Variants in MYO5A observed in about 807,000 individuals in gnomAD.
MYO5A encodes unconventional myosin-Va.
MYO5A carries 98 observed loss-of-function variants against 249.7 expected under a neutral mutation model. The ratio of observed to expected loss-of-function variants is 0.39; its 90% CI spans 0.33 to 0.46. The LOEUF is 0.46. MYO5A is among the 20% of genes least tolerant of loss of function. The pLI is 0.98. For synonymous variants in MYO5A, 778 were observed against 810.6 expected (o/e 0.96, Z 0.68); for missense variants, 1,696 against 2,308.8 (o/e 0.73, Z 5.44).
intron 34 of MYO5A, among the ~76,000 whole-genome samples, chr15:52,334,926 T>C (rs1482814522): frequency 1.3e-5 from 2 of 152,146 alleles, no homozygotes; most frequent in African/African-American, 4.8e-5. Flanking sequence ...GGATGTGACA[T>C]ATGACTCTGG....
chr15:52,491,468 A>G (rs1210840639), intron 1 of MYO5A, among the ~76,000 whole-genome samples: 1 of 152,172 alleles, frequency 6.6e-6, no homozygotes, highest in Non-Finnish European at 1.5e-5. Context: ...ATCTAGTCAC[A>G]ATGACACTGT....
At chr15:52,456,657 T>C (rs1466192704) in intron 1 of MYO5A, among the ~76,000 whole-genome samples, 1 of 152,022 alleles carries the variant, frequency 6.6e-6, no homozygotes, top group Non-Finnish European at 1.5e-5. Context: ...AGAATACAGA[T>C]ATAAATGTAT....
intron 1 of MYO5A, among the ~76,000 whole-genome samples, chr15:52,444,274 T>G (rs865835720): frequency 2.0e-5 from 3 of 152,160 alleles, no homozygotes; most frequent in African/African-American, 7.2e-5. Flanking sequence ...AAATTAGTAT[T>G]TCCATCTATA....
chr15:52,521,655 A>G (rs1285337817), intron 1 of MYO5A, among the ~76,000 whole-genome samples: 1 of 152,228 alleles, frequency 6.6e-6, no homozygotes, highest in Non-Finnish European at 1.5e-5. Flanking sequence ...AAAAATAATT[A>G]CATCATCCCT....
chr15:52,370,723 TA>T (rs1231518507), intron 21 of MYO5A, among the ~76,000 whole-genome samples: 1 of 152,194 alleles, frequency 6.6e-6, no homozygotes, highest in Non-Finnish European at 1.5e-5. Flanking sequence ...AATTCAGAAA[TA>T]GGAGGATCTA....
intron 23 of MYO5A, 29 bp from the exon 24 acceptor site, chr15:52,364,731 A>G (rs1881441563): frequency 6.2e-7 from 1 of 1,611,360 alleles, no homozygotes; most frequent in Non-Finnish European, 8.5e-7. Flanking sequence ...TATGCATACT[A>G]AAGATGGCCC....
chr15:52,448,274 T>C (rs896826064), intron 1 of MYO5A, among the ~76,000 whole-genome samples: 4 of 152,224 alleles, frequency 2.6e-5, no homozygotes, highest in Admixed American at 2.0e-4. Flanking sequence ...TAAGATTTAA[T>C]GACTGTCCTG....
Position 52,383,164 on chromosome 15 carries a change from T to C in MYO5A, c.1939A>G (p.Met647Val). The C allele has an allele frequency of 1.2e-6, 2 of 1,613,964 alleles. No homozygotes were observed. Among genetic ancestry groups the C allele is most frequent in the Non-Finnish European group, 1.7e-6 (2 of 1,179,900 alleles). The change falls in exon 16 of 42, where the codon ATG becomes GTG. Residue 647 changes from methionine (M) to valine (V), a missense_variant. Met to Val is a conservative substitution (Grantham distance 21, BLOSUM62 1). This residue lies in a region of MYO5A where 277 missense variants were observed against 422.4 expected (regional missense o/e 0.66). Transcript: ENST00000399233. ...HQFRNSLHLL[M>V]ETLNATTPHY... Reference sequence around the variant, plus strand: ...GGGGTAGTGGCATTGAGTGTCTCCATAAGCAGGTGCAGGGAGTTTCTGAAC... The same window carrying C: ...GGGGTAGTGGCATTGAGTGTCTCCACAAGCAGGTGCAGGGAGTTTCTGAAC...
rs1188331561 is a variant in MYO5A, at chr15:52,323,679, G to A, written c.4711-235C>T. ...CTTTTTTGGCATAGAAAATTAAACT[G>A]ATGCGAATTTAGCTGCTCCTTTAAG... On this transcript the variant is annotated intron_variant, in intron 36 of 41. Transcript: ENST00000399233. 4 of 428,762 alleles carry A rather than the reference G, an allele frequency of 9.3e-6. No homozygotes were observed. In the East Asian group the frequency reaches 1.5e-4, roughly 16 times the overall value. 26.6% of individuals were successfully genotyped at this position (428,762 alleles called of 1,614,324 possible).
chr15:52,314,102 G>C (rs371439831), intron 41 of MYO5A, 21 bp downstream of exon 41: 15 of 1,568,402 alleles, frequency 9.6e-6, no homozygotes, highest in Admixed American at 6.7e-5. Flanking sequence ...GTGAATCAAA[G>C]AAGAAGATGG....
At chr15:52,357,706 G>A (rs535237491) in intron 25 of MYO5A, among the ~76,000 whole-genome samples, 11 of 152,274 alleles carry the variant, frequency 7.2e-5, no homozygotes, top group African/African-American at 2.4e-4. Context: ...TTAAAGAGAT[G>A]CTATCAAATT....
At chr15:52,493,353 T>G (rs1266696810) in intron 1 of MYO5A, among the ~76,000 whole-genome samples, 1 of 152,212 alleles carries the variant, frequency 6.6e-6, no homozygotes, top group African/African-American at 2.4e-5. Context: ...TGGAGAATGT[T>G]TCTTCCATTT....
chr15:52,412,918 C>T (rs759264021), intron 5 of MYO5A, among the ~76,000 whole-genome samples: 2 of 152,078 alleles, frequency 1.3e-5, no homozygotes, highest in African/African-American at 4.8e-5. Context: ...GAGGCCAAGG[C>T]GGGTGGATCA....
At chr15:52,426,904 G>A (rs186995665) in intron 3 of MYO5A, among the ~76,000 whole-genome samples, 19 of 151,994 alleles carry the variant, frequency 1.3e-4, no homozygotes, top group Admixed American at 1.2e-3. Context: ...AAATAATGCA[G>A]GGAAGAAAGA....
At chr15:52,510,064 G>T (rs1201678607) in intron 1 of MYO5A, among the ~76,000 whole-genome samples, 1 of 152,142 alleles carries the variant, frequency 6.6e-6, no homozygotes, top group Admixed American at 6.5e-5. Flanking sequence ...GAAAACCAAA[G>T]GACAACTGGC....
chr15:52,353,323 A>G lies in MYO5A; in HGVS notation c.3621+282T>C, dbSNP rs558061056. On this transcript the variant is annotated intron_variant, in intron 27 of 41. Transcript: ENST00000399233. ...TGTCTGGTCTGCCCCATCATACCCA[A>G]TTGGATTTTTATAGTGGCAGATGCT... Among the ~76,000 whole-genome samples the G allele has an allele frequency of 3.8e-4, 58 of 152,292 alleles. 1 individual carries two copies. Among genetic ancestry groups the G allele is most frequent in the South Asian group, 2.5e-3 (12 of 4,824 alleles).
At chr15:52,455,960 C>A (rs2076109661) in intron 1 of MYO5A, among the ~76,000 whole-genome samples, 2 of 151,948 alleles carry the variant, frequency 1.3e-5, no homozygotes, top group African/African-American at 4.8e-5. Context: ...GAAGTCCTCA[C>A]CAGAGCAATC....
At chr15:52,320,353 T>C (rs1354807413) in intron 38 of MYO5A, among the ~76,000 whole-genome samples, 1 of 152,226 alleles carries the variant, frequency 6.6e-6, no homozygotes, top group Non-Finnish European at 1.5e-5. Flanking sequence ...TGTTTGTTGT[T>C]GCTGTTAAAT....
intron 1 of MYO5A, chr15:52,505,335 G>C (rs975105158): frequency 5.1e-6 from 4 of 777,740 alleles, no homozygotes; most frequent in Admixed American, 5.1e-5. Context: ...CTGCCGACTT[G>C]TGTCATGCTC....
Sources: allele counts gnomAD v4.1 joint callset (sites outside exome capture counted in the v4.1 genomes callset), GRCh38; gene constraint gnomAD v4.1.1; regional missense constraint gnomAD v4.1.1; transcripts MANE v1.5; gene names NCBI Gene and HGNC (gene_info 2026-07-23, HGNC 2026-07-21).